Variants in SELENOH observed in about 807,000 individuals in gnomAD.
SELENOH encodes chromosome 11 open reading frame 31.
Under a neutral mutation model 11.9 loss-of-function variants are expected in SELENOH, and 13 were observed. That is an observed-to-expected ratio of 1.09 (90% CI 0.71 to 1.74). The LOEUF (loss-of-function observed/expected upper bound fraction) is 1.74, where lower values mean the gene tolerates loss of function less well. Ranked by LOEUF, SELENOH falls within the 40% of genes most tolerant of loss-of-function variation. The probability of loss-of-function intolerance (pLI) is 0.00; values close to 1 mark genes in which losing one functional copy is unlikely to be tolerated. For synonymous variants in SELENOH, 96 were observed against 73.5 expected (o/e 1.31, Z -1.56); for missense variants, 223 against 170.3 (o/e 1.31, Z -1.72).
chr11:57,743,545 A>T lies in SELENOH; in HGVS notation c.*713A>T, dbSNP rs1565241560. On this transcript the variant is annotated 3_prime_UTR_variant, in exon 4 of 4. Coordinates refer to ENST00000534355, the MANE Select transcript of SELENOH (RefSeq NM_170746.4). ...GAGCAAAGTAAATAATTTATTTTTT[A>T]AAAAAGCAACTGTATCTTTTTCAAC... 1 of 152,228 alleles carries T rather than the reference A, an allele frequency of 6.6e-6. No homozygotes were observed. The highest frequency in any genetic ancestry group is 1.5e-5 in the Non-Finnish European group (1 of 68,044). 9.4% of individuals were successfully genotyped at this position (152,228 alleles called of 1,614,324 possible). A position where few individuals can be genotyped will look rare whatever the true frequency, so the allele number is the denominator to read the frequency against.
At chr11:57,741,755 T>C in intron 1 of SELENOH, 38 bp downstream of exon 1, 1 of 1,598,540 alleles carries the variant, frequency 6.3e-7, no homozygotes. Flanking sequence ...GAGGGAACAG[T>C]GGCGCCGGGG....
Position 57,742,156 on chromosome 11 carries a change from G to A in SELENOH, c.308G>A (p.Arg103His), listed in dbSNP as rs1347684268. 4 of 1,611,964 alleles carry A rather than the reference G, an allele frequency of 2.5e-6. No individual in the cohort carries two copies. In the African/African-American group the frequency reaches 4.0e-5, roughly 16 times the overall value. ...LWTGIKKGPP[R>H]KLKFPEPQEV... ...ACTGGGATTAAGAAGGGGCCCCCAC[G>A]CAAACTCAAATTCCCTGAGCCTCAA... Residue 103 changes from arginine to histidine, a missense_variant, in exon 3 of 4, where the codon CGC (arginine) becomes CAC (histidine). Transcript: ENST00000534355.
Position 57,743,150 on chromosome 11 carries a change from T to TTA in SELENOH, c.*318_*319insTA, listed in dbSNP as rs1555025705. On this transcript the variant is annotated 3_prime_UTR_variant, in exon 4 of 4. Transcript: ENST00000534355. ...AGATAGCCATGTGACCTGGAACTTT[T>TTA]AAAAAAAAATTTTTTTTTAAGAGCC... is the stretch of plus-strand genomic sequence containing the variant. The TTA allele has an allele frequency of 2.0e-5, 3 of 152,100 alleles. No homozygotes were observed. 9.4% of individuals were successfully genotyped at this position (152,100 alleles called of 1,614,324 possible). A position where few individuals can be genotyped will look rare whatever the true frequency, so the allele number is the denominator to read the frequency against.
At position 57,743,002 on chromosome 11, in the gene SELENOH, T is replaced by C. The variant is rs1031923487; in HGVS notation, c.*170T>C. On this transcript the variant is annotated 3_prime_UTR_variant, in exon 4 of 4. Transcript: ENST00000534355. ...ACCCTCTAGTAAGGCATTGTAAAAGTTACTGGATTTGGTTTAATAAAAGTT... is the reference window on the plus strand; with the variant it reads ...ACCCTCTAGTAAGGCATTGTAAAAGCTACTGGATTTGGTTTAATAAAAGTT... The C allele has an allele frequency of 6.6e-6, 1 of 152,594 alleles. No individual in the cohort carries two copies. The highest frequency in any genetic ancestry group is 2.4e-5 in the African/African-American group (1 of 41,440). 9.5% of individuals were successfully genotyped at this position (152,594 alleles called of 1,614,324 possible).
rs1158425339 is a variant in SELENOH, at chr11:57,741,971, A to G, written c.268+17A>G. On this transcript the variant is annotated intron_variant, in intron 2 of 3. Transcript: ENST00000534355. ...ACGGCAGCAGTAAGTGGGGACCTGGATGTGGGGGAGAGGGACGTGGGTGAA... is the reference window on the plus strand; with the variant it reads ...ACGGCAGCAGTAAGTGGGGACCTGGGTGTGGGGGAGAGGGACGTGGGTGAA... The G allele has an allele frequency of 6.3e-7, 1 of 1,583,556 alleles. No homozygotes were observed. Among genetic ancestry groups the G allele is most frequent in the Non-Finnish European group, 8.6e-7 (1 of 1,167,808 alleles).
chr11:57,741,760 C>T (rs752418887), intron 1 of SELENOH, 43 bp downstream of exon 1: 15 of 1,597,960 alleles, frequency 9.4e-6, no homozygotes, highest in Non-Finnish European at 6.8e-6. Flanking sequence ...AACAGTGGCG[C>T]CGGGGGGGGC....
intron 3 of SELENOH, chr11:57,742,490 A>G (rs1949112423): frequency 2.3e-6 from 1 of 441,490 alleles, no homozygotes; most frequent in Non-Finnish European, 4.1e-6. Flanking sequence ...CCTTTGGGAG[A>G]CTGTAGTTGA....
Position 57,742,196 on chromosome 11 carries a change from G to A in SELENOH, c.348G>A (p.Glu116=). Residue 116 remains glutamate, a synonymous_variant, in exon 3 of 4, where the codon GAG becomes GAA. Coordinates refer to ENST00000534355, the MANE Select transcript of SELENOH (RefSeq NM_170746.4). ...CTGAGCCTCAAGAGGTGGTGGAAGA[G>A]TTGAAGAAGTACCTGTCGTAGGGAG... ...KFPEPQEVVE[E]LKKYLS 1 of 1,610,612 alleles carries A rather than the reference G, an allele frequency of 6.2e-7. No homozygotes were observed. The highest frequency in any genetic ancestry group is 2.2e-5 in the East Asian group (1 of 44,826).
In SELENOH at chr11:57,743,063, T is replaced by C. The variant is rs1011821062; in HGVS notation, c.*231T>C. The stretch of plus-strand genomic sequence containing the variant: ...ATTTGAGTAATAGAGTAAAACTTAA[T>C]CTTAAGGGATGGACAAAGCCAGCCT... On this transcript the variant is annotated 3_prime_UTR_variant, in exon 4 of 4. Transcript: ENST00000534355. 2.1e-4 allele frequency: 32 copies of C among 152,608 alleles called. No individual in the cohort carries two copies. Among genetic ancestry groups the C allele is most frequent in the African/African-American group, 7.2e-4 (30 of 41,436 alleles). 9.5% of individuals were successfully genotyped at this position (152,608 alleles called of 1,614,324 possible).
In SELENOH at chr11:57,741,935, G is replaced by A. The variant is rs1304188952; in HGVS notation, c.249G>A (p.Leu83=). The A allele has an allele frequency of 1.3e-6, 2 of 1,589,234 alleles. No homozygotes were observed. The highest frequency in any genetic ancestry group is 1.9e-5 in the Admixed American group (1 of 53,352). ...GGAGGGGCAGCTTCGAGGTGACGCT[G>A]CTGCGCCCGGACGGCAGCAGTAAGT... The part of the protein sequence containing the change: ...KPRRGSFEVT[L]LRPDGSSAEL... Residue 83 remains leucine (L), a synonymous_variant, in exon 2 of 4, where the codon CTG becomes CTA. Coordinates refer to ENST00000534355, the MANE Select transcript of SELENOH (RefSeq NM_170746.4).
intron 3 of SELENOH, 172 bp downstream of exon 3, chr11:57,742,419 A>G: frequency 1.7e-6 from 1 of 578,640 alleles, no homozygotes; most frequent in East Asian, 2.9e-5. Context: ...TTTGAAAACA[A>G]AAAACAAAAA....
At position 57,741,906 on chromosome 11, in the gene SELENOH, C is replaced by T. The variant is rs747935080; in HGVS notation, c.220C>T (p.Pro74Ser). The T allele has an allele frequency of 6.9e-6, 11 of 1,593,528 alleles. No homozygotes were observed. The highest frequency in any genetic ancestry group is 9.4e-6 in the Non-Finnish European group (11 of 1,174,500). ...TCCAGTAAAGGTGAACCCGACGAAGCCCCGGAGGGGCAGCTTCGAGGTGAC... is the reference window on the plus strand; with the variant it reads ...TCCAGTAAAGGTGAACCCGACGAAGTCCCGGAGGGGCAGCTTCGAGGTGAC... Reference protein sequence around the residue: ...ELPVKVNPTKPRRGSFEVTLL... With the variant: ...ELPVKVNPTKSRRGSFEVTLL... The change falls in exon 2 of 4, where the codon CCC becomes TCC. Residue 74 changes from proline (P) to serine (S), a missense_variant. Transcript: ENST00000534355.
At chr11:57,742,296 C>T (rs1267034836) in intron 3 of SELENOH, 49 bp downstream of exon 3, 10 of 1,361,092 alleles carry the variant, frequency 7.3e-6, no homozygotes, top group Non-Finnish European at 1.0e-5. Context: ...GAAGAGAAGG[C>T]ATTGATCTTG....
At position 57,741,659 on chromosome 11, in the gene SELENOH, G is replaced by A. The variant is rs547087186; in HGVS notation, c.64G>A (p.Glu22Lys). ...GGTGGTCGCCGTAGCCGAGAAGCGAGAGAAGCTGGCGAACGGCGGGGAGGG... is the reference window on the plus strand; with the variant it reads ...GGTGGTCGCCGTAGCCGAGAAGCGAAAGAAGCTGGCGAACGGCGGGGAGGG... ...AAVVAVAEKR[E>K]KLANGGEGME... The change falls in exon 1 of 4, where the codon GAG (glutamate) becomes AAG (lysine). Residue 22 changes from glutamate (E) to lysine (K), a missense_variant. Coordinates refer to ENST00000534355, the MANE Select transcript of SELENOH (RefSeq NM_170746.4). 1.4e-6 allele frequency: 2 copies of A among 1,457,148 alleles called. No individual in the cohort carries two copies. The highest frequency in any genetic ancestry group is 2.9e-5 in the African/African-American group (2 of 68,070). 90.3% of individuals were successfully genotyped at this position (1,457,148 alleles called of 1,614,324 possible).
chr11:57,742,576 C>T (rs894857812), intron 3 of SELENOH: 1 of 280,528 alleles, frequency 3.6e-6, no homozygotes, highest in Non-Finnish European at 6.9e-6. Flanking sequence ...TATCCCTACC[C>T]TCTTCTGTTT....
Position 57,741,949 on chromosome 11 carries a change from G to T in SELENOH, c.263G>T (p.Gly88Val). 10 of 1,587,586 alleles carry T rather than the reference G, an allele frequency of 6.3e-6. No homozygotes were observed. Among genetic ancestry groups the T allele is most frequent in the Non-Finnish European group, 8.5e-6 (10 of 1,171,168 alleles). The change falls in exon 2 of 4, where the codon GGC (glycine) becomes GTC (valine). Residue 88 changes from glycine to valine, a missense_variant. Physicochemically the swap from Gly to Val is moderately radical, Grantham distance 109. Transcript: ENST00000534355. ...GAGGTGACGCTGCTGCGCCCGGACG[G>T]CAGCAGTAAGTGGGGACCTGGATGT... is the stretch of plus-strand genomic sequence containing the variant. ...SFEVTLLRPD[G>V]SSAELWTGIK...
rs200278935 is a variant in SELENOH at position 57,741,862 on chromosome 11, G to A, written c.176G>A (p.Arg59His). The change falls in exon 2 of 4, where the codon CGC (arginine) becomes CAC (histidine). Residue 59 changes from arginine (R) to histidine (H), a missense_variant. Arg to His is a conservative substitution (Grantham distance 29). Transcript: ENST00000534355. ...RNAAALSQAL[R>H]LEAPELPVKV... ...GCCGCGGCCCTGAGCCAGGCGCTGC[G>A]CCTGGAGGCCCCAGAGCTTCCAGTA... is the stretch of plus-strand genomic sequence containing the variant. 2 of 1,604,582 alleles carry A rather than the reference G, an allele frequency of 1.2e-6. No individual in the cohort carries two copies. Among genetic ancestry groups the A allele is most frequent in the Non-Finnish European group, 1.7e-6 (2 of 1,176,616 alleles).
At position 57,741,648 on chromosome 11, in the gene SELENOH, C is replaced by A; in HGVS notation, c.53C>A (p.Ala18Asp). The A allele has an allele frequency of 7.0e-7, 1 of 1,419,474 alleles. No homozygotes were observed. Among genetic ancestry groups the A allele is most frequent in the Non-Finnish European group, 9.2e-7 (1 of 1,084,068 alleles). The allele number at this position is 1,419,474 out of a possible 1,614,324, so 87.9% of individuals were successfully genotyped here. Residue 18 changes from alanine to aspartate, a missense_variant, in exon 1 of 4, where the codon GCC becomes GAC. Coordinates refer to ENST00000534355, the MANE Select transcript of SELENOH (RefSeq NM_170746.4). ...RKAEAAVVAV[A>D]EKREKLANGG... ...GCTGAGGCCGCGGTGGTCGCCGTAG[C>A]CGAGAAGCGAGAGAAGCTGGCGAAC...
chr11:57,742,056 C>T lies in SELENOH; in HGVS notation c.269-61C>T, dbSNP rs991757354. The T allele has an allele frequency of 3.8e-6, 6 of 1,587,932 alleles. No homozygotes were observed. In the African/African-American group the frequency reaches 4.0e-5, roughly 11 times the overall value. The stretch of plus-strand genomic sequence containing the variant: ...CTTAGAAACCACGGCAGTCTCATGA[C>T]TTCAGAGACGTGCTCGTGGGTTCCG... On this transcript the variant is annotated intron_variant, in intron 2 of 3. Coordinates refer to ENST00000534355, the MANE Select transcript of SELENOH (RefSeq NM_170746.4).
Sources: gnomAD v4.1 joint callset for allele counts on GRCh38, gnomAD v4.1.1 for gene constraint, MANE v1.5 for transcripts, NCBI Gene and HGNC (gene_info 2026-07-23, HGNC 2026-07-21) for gene names.